The following SCAF8 variants were observed in gnomAD, a reference collection of about 807,000 sequenced individuals.
SCAF8 encodes SR-related and CTD-associated factor 8.
A neutral mutation model predicts 140.5 loss-of-function variants in SCAF8; 23 were observed. That is an observed-to-expected ratio of 0.16 (90% confidence interval 0.12 to 0.23). SCAF8 has a LOEUF of 0.23. SCAF8 is among the 10% of genes least tolerant of loss of function. SCAF8 has a pLI of 1.00. For synonymous variants in SCAF8, 575 were observed against 528.9 expected (o/e 1.09, Z -1.20); for missense variants, 1,397 against 1,555.7 (o/e 0.90, Z 1.72).
At chr6:154,752,268 A>G (rs1778856315) in intron 1 of SCAF8, among the ~76,000 whole-genome samples, 1 of 152,190 alleles carries the variant, frequency 6.6e-6, no homozygotes, top group African/African-American at 2.4e-5. Flanking sequence ...ATCATTTACA[A>G]AATGAGATTA....
chr6:154,827,035 A>G, intron 17 of SCAF8, 137 bp from the exon 18 acceptor site: 1 of 689,996 alleles, frequency 1.4e-6, no homozygotes, highest in East Asian at 3.2e-5. Context: ...CCATTTCTAA[A>G]ATAGAAAAAA....
At chr6:154,827,689 A>C (rs1432972967) in intron 18 of SCAF8, among the ~76,000 whole-genome samples, 1 of 152,136 alleles carries the variant, frequency 6.6e-6, no homozygotes, top group African/African-American at 2.4e-5. Context: ...GGAAGTTAGC[A>C]CCAAAGGCTT....
At chr6:154,772,754 C>CT (rs111429423) in intron 1 of SCAF8, among the ~76,000 whole-genome samples, 40 of 152,010 alleles carry the variant, frequency 2.6e-4, no homozygotes, top group African/African-American at 9.2e-4. Flanking sequence ...CATTAGAGCC[C>CT]TTTTTTTGTT....
At chr6:154,784,353 A>G (rs1246235028) in intron 3 of SCAF8, among the ~76,000 whole-genome samples, 2 of 151,862 alleles carry the variant, frequency 1.3e-5, no homozygotes, top group African/African-American at 4.8e-5. Flanking sequence ...GATATTTTAG[A>G]TCAACACAAG....
intron 1 of SCAF8, among the ~76,000 whole-genome samples, chr6:154,760,100 G>T (rs1022079087): frequency 2.0e-4 from 30 of 152,130 alleles, no homozygotes; most frequent in African/African-American, 7.2e-4. Flanking sequence ...AGACCAGCCT[G>T]GCCAACGTGG....
chr6:154,802,211 T>C (rs1363166106), intron 7 of SCAF8, 64 bp downstream of exon 7: 7 of 959,114 alleles, frequency 7.3e-6, no homozygotes, highest in Non-Finnish European at 8.8e-6. Context: ...TATCATGGAT[T>C]TTAATTCTAT....
intron 16 of SCAF8, among the ~76,000 whole-genome samples, chr6:154,822,946 G>A (rs1778463198): frequency 6.6e-6 from 1 of 152,086 alleles, no homozygotes; most frequent in Non-Finnish European, 1.5e-5. Context: ...CCTATGGAAG[G>A]AAAAAAGTAG....
Position 154,829,781 on chromosome 6 carries a change from C to CCTGTAATCCCAGCTA in SCAF8, c.2141-1138_2141-1124dup, listed in dbSNP as rs56007914. Among the ~76,000 whole-genome samples, 535 of 152,196 alleles carry CCTGTAATCCCAGCTA rather than the reference C, an allele frequency of 3.5e-3. 4 individuals are homozygous for CCTGTAATCCCAGCTA. The highest frequency in any genetic ancestry group is 0.014 in the South Asian group (66 of 4,810). ...AATTAGCCAGGTGTGGTGGCGCACG[C>CCTGTAATCCCAGCTA]CTGTAATCCCAGCTACTCAGGAGGC... On this transcript the variant is annotated intron_variant, in intron 18 of 19. Coordinates refer to ENST00000367178, the MANE Select transcript of SCAF8 (RefSeq NM_014892.5).
chr6:154,773,012 G>C (rs1776815703), intron 1 of SCAF8, among the ~76,000 whole-genome samples: 1 of 152,122 alleles, frequency 6.6e-6, no homozygotes, highest in Non-Finnish European at 1.5e-5. Flanking sequence ...TACCTGTCTA[G>C]GCCTCCCAAA....
At chr6:154,742,943 C>T (rs1042120582) in intron 1 of SCAF8, among the ~76,000 whole-genome samples, 2 of 134,420 alleles carry the variant, frequency 1.5e-5, no homozygotes, top group East Asian at 4.6e-4. Context: ...ACATGTATCG[C>T]GGCCTAGGGA....
At chr6:154,813,861 C>T (rs6925900) in intron 12 of SCAF8, among the ~76,000 whole-genome samples, 89,383 of 151,902 alleles carry the variant, frequency 0.59, 28,403 homozygotes, top group East Asian at 0.91. Flanking sequence ...AGACGAAGGA[C>T]GGGACCATGA....
intron 1 of SCAF8, among the ~76,000 whole-genome samples, chr6:154,760,959 T>G (rs564593310): frequency 1.3e-5 from 2 of 151,912 alleles, no homozygotes; most frequent in South Asian, 4.2e-4. Context: ...GATTTTTTTC[T>G]TTTTTCTTTT....
intron 1 of SCAF8, among the ~76,000 whole-genome samples, chr6:154,769,063 A>C (rs1161705519): frequency 2.6e-4 from 1 of 3,906 alleles, no homozygotes; most frequent in Non-Finnish European, 7.7e-4. Flanking sequence ...ACACTGTCTC[A>C]AAAAAAAAAA....
At chr6:154,737,098 T>C (rs1461943550) in intron 1 of SCAF8, among the ~76,000 whole-genome samples, 1 of 152,228 alleles carries the variant, frequency 6.6e-6, no homozygotes, top group Non-Finnish European at 1.5e-5. Context: ...TGAGAAGTAG[T>C]TCAGTAATGA....
chr6:154,758,330 G>C (rs949939921), intron 1 of SCAF8, among the ~76,000 whole-genome samples: 1 of 152,202 alleles, frequency 6.6e-6, no homozygotes, highest in Non-Finnish European at 1.5e-5. Flanking sequence ...GTCAGGATGC[G>C]AGTTCTGTCT....
chr6:154,754,497 G>T (rs1309545506), intron 1 of SCAF8, among the ~76,000 whole-genome samples: 4 of 152,330 alleles, frequency 2.6e-5, no homozygotes, highest in Middle Eastern at 6.8e-3. Context: ...TTTGATTTTA[G>T]TTAAGTCACT....
intron 12 of SCAF8, among the ~76,000 whole-genome samples, chr6:154,811,934 A>ATCATTGAT (rs1464211259): frequency 6.6e-6 from 1 of 152,070 alleles, no homozygotes; most frequent in Non-Finnish European, 1.5e-5. Context: ...AATCCAGTCT[A>ATCATTGAT]TCATTGATGG....
chr6:154,810,353 C>T lies in SCAF8; in HGVS notation c.1420+145C>T, dbSNP rs185680273. On this transcript the variant is annotated intron_variant, in intron 12 of 19. Coordinates refer to ENST00000367178, the MANE Select transcript of SCAF8 (RefSeq NM_014892.5). The stretch of plus-strand genomic sequence containing the variant: ...TGAGTAATGTCTCTGGTTTTTGTAA[C>T]ATGATAGAGAAGAGAAGAAGAAGGA... 6.6e-4 allele frequency: 374 copies of T among 562,864 alleles called. 1 individual carries two copies. The highest frequency in any genetic ancestry group is 6.6e-3 in the African/African-American group (333 of 50,280). The allele number at this position is 562,864 out of a possible 1,614,324, so 34.9% of individuals were successfully genotyped here.
chr6:154,749,268 A>T (rs1778782645), intron 1 of SCAF8, among the ~76,000 whole-genome samples: 1 of 152,172 alleles, frequency 6.6e-6, no homozygotes, highest in Non-Finnish European at 1.5e-5. Context: ...CTAGTCCTAC[A>T]CAATTGTCCT....
Sources: gnomAD v4.1 joint callset for allele counts (sites outside exome capture counted in the v4.1 genomes callset) on GRCh38, gnomAD v4.1.1 for gene constraint, MANE v1.5 for transcripts, NCBI Gene and HGNC (gene_info 2026-07-23, HGNC 2026-07-21) for gene names.